The following NRXN1 variants were observed in gnomAD, a reference collection of about 807,000 sequenced individuals.
The protein encoded by NRXN1 is neurexin 1.
A neutral mutation model predicts 150.9 loss-of-function variants in NRXN1; 39 were observed. The ratio of observed to expected loss-of-function variants is 0.26; its 90% CI spans 0.20 to 0.34. The LOEUF is 0.34. Among genes scored for constraint, NRXN1 ranks in the 10% least tolerant of loss-of-function variants. The pLI is 1.00. For synonymous variants in NRXN1, 924 were observed against 757.0 expected, an observed-to-expected ratio of 1.22 and a Z score of -3.62; for missense variants, 1,815 against 1,949.9, an observed-to-expected ratio of 0.93 and a Z score of 1.30.
At chr2:50,083,278 C>T (rs767561946) in intron 19 of NRXN1, among the ~76,000 whole-genome samples, 2 of 152,204 alleles carry the variant, frequency 1.3e-5, no homozygotes, top group Non-Finnish European at 2.9e-5. Context: ...ATATAATATC[C>T]TTTACTTCTG....
At chr2:50,175,360 C>T (rs548391922) in intron 18 of NRXN1, 1 of 152,176 alleles carries the variant, frequency 6.6e-6, no homozygotes, top group South Asian at 2.1e-4. Context: ...CTAACCAGTT[C>T]CAGCAGATTA....
chr2:50,379,891 T>C (rs1053652015), intron 17 of NRXN1, among the ~76,000 whole-genome samples: 2 of 152,168 alleles, frequency 1.3e-5, no homozygotes, highest in African/African-American at 4.8e-5. Flanking sequence ...TCCTTCTTTA[T>C]AGCCTAACCC....
intron 17 of NRXN1, among the ~76,000 whole-genome samples, chr2:50,387,605 C>T (rs2081411058): frequency 6.6e-6 from 1 of 152,070 alleles, no homozygotes; most frequent in African/African-American, 2.4e-5. Flanking sequence ...GAAGTGAATA[C>T]CAAGTTCAGC....
intron 8 of NRXN1, among the ~76,000 whole-genome samples, chr2:50,560,519 G>A (rs979154348): frequency 2.0e-5 from 3 of 151,858 alleles, no homozygotes; most frequent in Non-Finnish European, 4.4e-5. Context: ...TGCAACCTCT[G>A]CTGCCCAGGT....
chr2:50,443,801 C>G (rs1441633084), intron 17 of NRXN1, among the ~76,000 whole-genome samples: 2 of 152,134 alleles, frequency 1.3e-5, no homozygotes, highest in Non-Finnish European at 2.9e-5. Context: ...ATGGACTAAA[C>G]ATGTAAAACC....
intron 5 of NRXN1, among the ~76,000 whole-genome samples, chr2:50,645,553 G>A (rs931085597): frequency 2.6e-5 from 4 of 151,862 alleles, no homozygotes; most frequent in Admixed American, 6.6e-5. Context: ...TATGGTAGTC[G>A]TCATGGTGAT....
Position 50,506,624 on chromosome 2 carries a change from A to G in NRXN1, c.2375-7T>C. The G allele has an allele frequency of 6.2e-7, 1 of 1,612,878 alleles. No individual in the cohort carries two copies. Among genetic ancestry groups the G allele is most frequent in the Non-Finnish European group, 8.5e-7 (1 of 1,179,220 alleles). ...AGAGTCTCGGGACCTTTGCCTGTAG[A>G]ATATGCCAAACAGTCATTATGGACA... On this transcript the variant is annotated splice_polypyrimidine_tract_variant and splice_region_variant and intron_variant, in intron 12 of 22. Transcript: ENST00000401669.
intron 21 of NRXN1, among the ~76,000 whole-genome samples, chr2:50,044,179 G>A (rs923751411): frequency 7.2e-5 from 11 of 152,074 alleles, no homozygotes; most frequent in South Asian, 2.1e-4. Flanking sequence ...ACTCCATGTC[G>A]CAGTTAAACA....
intron 17 of NRXN1, among the ~76,000 whole-genome samples, chr2:50,429,724 T>C (rs1159806889): frequency 6.6e-6 from 1 of 152,156 alleles, no homozygotes; most frequent in East Asian, 1.9e-4. Context: ...ACCTAATATT[T>C]GAGGCAATTG....
chr2:50,497,119 T>C (rs954075649), intron 14 of NRXN1, among the ~76,000 whole-genome samples: 13 of 152,168 alleles, frequency 8.5e-5, no homozygotes, highest in South Asian at 2.1e-4. Flanking sequence ...TTGTATCTCA[T>C]ATGTGAAAAT....
At chr2:50,649,410 T>C (rs1280578167) in intron 5 of NRXN1, among the ~76,000 whole-genome samples, 1 of 151,918 alleles carries the variant, frequency 6.6e-6, no homozygotes, top group African/African-American at 2.4e-5. Flanking sequence ...TGTGGCTTCC[T>C]CTCCTTGTGG....
intron 17 of NRXN1, among the ~76,000 whole-genome samples, chr2:50,433,412 T>C (rs2085144551): frequency 6.6e-6 from 1 of 152,232 alleles, no homozygotes. Context: ...CTATGCCATG[T>C]GTTATTATTA....
chr2:50,232,154 A>G (rs1198453860), intron 18 of NRXN1, among the ~76,000 whole-genome samples: 5 of 152,172 alleles, frequency 3.3e-5, no homozygotes, highest in Admixed American at 6.5e-5. Context: ...AATGTTTGCT[A>G]TAAATCATAT....
intron 18 of NRXN1, among the ~76,000 whole-genome samples, chr2:50,234,078 A>G (rs991758600): frequency 2.0e-5 from 3 of 148,296 alleles, no homozygotes; most frequent in Admixed American, 6.7e-5. Flanking sequence ...TTTTCTTTTA[A>G]TTTCTAATTC....
intron 5 of NRXN1, among the ~76,000 whole-genome samples, chr2:50,817,603 C>A (rs959515315): frequency 6.6e-6 from 1 of 151,878 alleles, no homozygotes; most frequent in African/African-American, 2.4e-5. Context: ...TGCAAAAATT[C>A]ACAACAAAAT....
chr2:50,192,961 G>T (rs532309550), intron 18 of NRXN1, among the ~76,000 whole-genome samples: 2 of 152,112 alleles, frequency 1.3e-5, no homozygotes, highest in Admixed American at 1.3e-4. Context: ...ATTTTTAAAG[G>T]GGCATTCTGG....
intron 17 of NRXN1, among the ~76,000 whole-genome samples, chr2:50,376,382 G>A (rs2080497962): frequency 2.0e-5 from 3 of 148,098 alleles, no homozygotes; most frequent in Non-Finnish European, 3.0e-5. Context: ...AAAAAAAAAA[G>A]AGAGGGAAAT....
At chr2:50,043,016 G>A (rs1225408264) in intron 21 of NRXN1, among the ~76,000 whole-genome samples, 1 of 152,182 alleles carries the variant, frequency 6.6e-6, no homozygotes, top group Non-Finnish European at 1.5e-5. Flanking sequence ...ACTGCTGGCA[G>A]ATGAGTCAGT....
intron 5 of NRXN1, among the ~76,000 whole-genome samples, chr2:50,691,315 G>T (rs960247234): frequency 1.3e-5 from 2 of 152,152 alleles, no homozygotes; most frequent in African/African-American, 2.4e-5. Context: ...TTGAAAAACC[G>T]TTAAGTGGAA....
Sources: gnomAD v4.1 joint callset for allele counts (sites outside exome capture counted in the v4.1 genomes callset) on GRCh38, gnomAD v4.1.1 for gene constraint, MANE v1.5 for transcripts, NCBI Gene and HGNC (gene_info 2026-07-23, HGNC 2026-07-21) for gene names.